The following PIK3C2A variants were observed in gnomAD, a reference collection of about 807,000 sequenced individuals.
The protein encoded by PIK3C2A is phosphatidylinositol-4-phosphate 3-kinase catalytic subunit type 2 alpha.
A neutral mutation model predicts 204.5 loss-of-function variants in PIK3C2A; 97 were observed. The observed-to-expected ratio is 0.47, with a 90% confidence interval of 0.40 to 0.56. PIK3C2A has a LOEUF of 0.56. PIK3C2A is among the 20% of genes least tolerant of loss of function. PIK3C2A has a pLI of 0.00. For missense variants in PIK3C2A, 1,735 were observed against 1,969.2 expected (o/e 0.88, Z 2.25); for synonymous variants, 653 against 664.4 (o/e 0.98, Z 0.26).
In PIK3C2A at chr11:17,130,611, C is replaced by T. The variant is rs193216641; in HGVS notation, c.2232-1144G>A. On this transcript the variant is annotated intron_variant, in intron 12 of 32. Coordinates refer to ENST00000691414, the MANE Select transcript of PIK3C2A (RefSeq NM_002645.4). ...CCTGAGGTCAGGAATTCAAGACTAG[C>T]CTGGCCAACATGGCAAAACCCCTTT... Among the ~76,000 whole-genome samples the T allele has an allele frequency of 6.6e-5, 10 of 151,652 alleles. No individual in the cohort carries two copies. In the East Asian group the frequency reaches 2.0e-3, roughly 30 times the overall value.
In PIK3C2A at chr11:17,192,359, T is replaced by A. The variant is rs566557391; in HGVS notation, c.-66+15489A>T. Among the ~76,000 whole-genome samples, 11 of 152,280 alleles carry A rather than the reference T, an allele frequency of 7.2e-5. No homozygotes were observed. In the East Asian group the frequency reaches 2.1e-3, roughly 29 times the overall value. ...ATAAGCTACATTACTATACTGTACA[T>A]CTCCATCTCATATTTTATACAACTC... is the stretch of plus-strand genomic sequence containing the variant. On this transcript the variant is annotated intron_variant, in intron 1 of 32. Coordinates refer to ENST00000691414, the MANE Select transcript of PIK3C2A (RefSeq NM_002645.4).
In PIK3C2A at chr11:17,173,797, GGTTT is replaced by G. The variant is rs771787500; in HGVS notation, c.-65-3995_-65-3992del. ...GAAACTTAATTTACTGAACACGTGG[GGTTT>G]GTTTGTTTGTTTGTTTGTTTAGACA... On this transcript the variant is annotated intron_variant, in intron 1 of 32. Coordinates refer to ENST00000691414, the MANE Select transcript of PIK3C2A (RefSeq NM_002645.4). 5.3e-4 allele frequency among the ~76,000 whole-genome samples: 81 copies of G among 152,106 alleles called. No individual in the cohort carries two copies. The East Asian group carries it at 8.3e-3, about 16-fold the overall frequency.
Position 17,189,611 on chromosome 11 carries a change from G to A in PIK3C2A, c.-66+18237C>T, listed in dbSNP as rs1038567756. Among the ~76,000 whole-genome samples the A allele has an allele frequency of 6.1e-5, 9 of 147,648 alleles. 2 individuals are homozygous for A. Among genetic ancestry groups the A allele is most frequent in the Middle Eastern group, 3.2e-3 (1 of 316 alleles). On this transcript the variant is annotated intron_variant, in intron 1 of 32. Coordinates refer to ENST00000691414, the MANE Select transcript of PIK3C2A (RefSeq NM_002645.4). ...GTATATTTTTAGTATATTCACAGGC[G>A]TGTGACCATCACTACTACCAAGTTT... is the stretch of plus-strand genomic sequence containing the variant.
Position 17,091,614 on chromosome 11 carries a change from G to A in PIK3C2A, c.4685C>T (p.Ala1562Val). 1 of 1,613,070 alleles carries A rather than the reference G, an allele frequency of 6.2e-7. No individual in the cohort carries two copies. The highest frequency in any genetic ancestry group is 8.5e-7 in the Non-Finnish European group (1 of 1,179,104). ...TCGGTAAGAGATGGATAATTTCACA[G>A]CTCCTCCTATTTGGCCTGGAGTAGG... ...FSPTPGQIGG[A>V]VKLSISYRNG... The change falls in exon 31 of 33, where the codon GCT becomes GTT. Residue 1562 changes from alanine (A) to valine (V), a missense_variant. Physicochemically the swap from Ala to Val is moderately conservative, Grantham distance 64 (BLOSUM62 0). Coordinates refer to ENST00000691414, the MANE Select transcript of PIK3C2A (RefSeq NM_002645.4).
rs537794045 is a variant in PIK3C2A at position 17,118,680 on chromosome 11, T to C, written c.3000A>G (p.Ala1000=). ...SSLVQFLLSR[A]LGNIQIAHNL... is the part of the protein sequence containing the mutation. ...TGTGTGCTATCTGGATATTTCCCAA[T>C]GCCCTGGACAAAAGGAATTGCACTA... The change falls in exon 18 of 33, where the codon GCA becomes GCG. Residue 1000 remains alanine (A), a synonymous_variant. Coordinates refer to ENST00000691414, the MANE Select transcript of PIK3C2A (RefSeq NM_002645.4). The C allele has an allele frequency of 2.6e-6, 4 of 1,554,882 alleles. No homozygotes were observed. The highest frequency in any genetic ancestry group is 2.3e-5 in the South Asian group (2 of 88,738).
At chr11:17,156,697 T>C (rs1036372834) in intron 2 of PIK3C2A, among the ~76,000 whole-genome samples, 1 of 152,246 alleles carries the variant, frequency 6.6e-6, no homozygotes, top group Non-Finnish European at 1.5e-5. Flanking sequence ...AATTCCTTTA[T>C]GAGTTTCCTT....
chr11:17,197,324 C>T (rs1201942895), intron 1 of PIK3C2A, among the ~76,000 whole-genome samples: 1 of 151,996 alleles, frequency 6.6e-6, no homozygotes, highest in Non-Finnish European at 1.5e-5. Context: ...CTGGCCCCCA[C>T]TCCATTCTTT....
Position 17,110,481 on chromosome 11 carries a change from T to C in PIK3C2A, c.3495A>G (p.Leu1165=). 1 of 1,611,196 alleles carries C rather than the reference T, an allele frequency of 6.2e-7. No homozygotes were observed. Residue 1165 remains leucine (L), a synonymous_variant, in exon 22 of 33, where the codon CTA becomes CTG. Coordinates refer to ENST00000691414, the MANE Select transcript of PIK3C2A (RefSeq NM_002645.4). The stretch of plus-strand genomic sequence containing the variant: ...ATTTGAAAATTACCATCCTCAGATC[T>C]AGTCCTTCTTTAAGCCAGATCTTAT... ...IMDKIWLKEG[L]DLRMVIFKCL...
rs572941400 is a variant in PIK3C2A at position 17,145,865 on chromosome 11, C to T, written c.1638G>A (p.Thr546=). 32 of 1,612,554 alleles carry T rather than the reference C, an allele frequency of 2.0e-5. No homozygotes were observed. Among genetic ancestry groups the T allele is most frequent in the Middle Eastern group, 1.7e-4 (1 of 6,052 alleles). The change falls in exon 7 of 33, where the codon ACG becomes ACA. Residue 546 remains threonine, a splice_region_variant and synonymous_variant. Transcript: ENST00000691414. The part of the protein sequence containing the change: ...QIEKPCKEAM[T]RHPVEELLDS... ...AATTAATGCTTTAGATGATATACCT[C>T]GTCATGGCTTCTTTGCAAGGTTTTT...
intron 25 of PIK3C2A, 120 bp from the exon 26 acceptor site, chr11:17,100,089 G>GC: frequency 1.6e-5 from 9 of 559,128 alleles, no homozygotes; most frequent in South Asian, 4.9e-5. Context: ...CAGTCTTGAG[G>GC]GGTTCATTAG....
chr11:17,168,789 T>G lies in PIK3C2A; in HGVS notation c.953A>C (p.His318Pro). Residue 318 changes from histidine (H) to proline (P), a missense_variant, in exon 2 of 33, where the codon CAT becomes CCT. His to Pro is a moderately conservative substitution (Grantham distance 77, BLOSUM62 -2). Transcript: ENST00000691414. ...LLEERSTANCHLERKVNGKSL... is the reference protein window; with the variant it reads ...LLEERSTANCPLERKVNGKSL... ...TTTTCCATTCACCTTTCTTTCAAGA[T>G]GACAATTTGCTGTCGATCTCTCTTC... The G allele has an allele frequency of 6.2e-7, 1 of 1,614,110 alleles. No homozygotes were observed. Among genetic ancestry groups the G allele is most frequent in the Non-Finnish European group, 8.5e-7 (1 of 1,180,002 alleles).
chr11:17,192,025 G>C (rs892840053), intron 1 of PIK3C2A, among the ~76,000 whole-genome samples: 4 of 151,608 alleles, frequency 2.6e-5, no homozygotes, highest in African/African-American at 7.3e-5. Flanking sequence ...CATGATTGTA[G>C]TCCCAGCTAG....
chr11:17,180,968 G>A (rs1851529104), intron 1 of PIK3C2A, among the ~76,000 whole-genome samples: 2 of 152,112 alleles, frequency 1.3e-5, no homozygotes, highest in African/African-American at 2.4e-5. Flanking sequence ...TATTATAAAG[G>A]ATACAACTCA....
intron 1 of PIK3C2A, among the ~76,000 whole-genome samples, chr11:17,173,582 A>C (rs1165117664): frequency 6.6e-6 from 1 of 152,220 alleles, no homozygotes; most frequent in Non-Finnish European, 1.5e-5. Flanking sequence ...TATGCAGGCC[A>C]GTAAGTCTCC....
intron 8 of PIK3C2A, among the ~76,000 whole-genome samples, chr11:17,137,473 G>A (rs910010589): frequency 1.4e-5 from 2 of 147,384 alleles, no homozygotes; most frequent in Admixed American, 1.4e-4. Context: ...GGAGTGCAGT[G>A]GTGGGATCTT....
At chr11:17,165,504 G>C (rs1183973599) in intron 2 of PIK3C2A, among the ~76,000 whole-genome samples, 1 of 152,126 alleles carries the variant, frequency 6.6e-6, no homozygotes, top group Non-Finnish European at 1.5e-5. Flanking sequence ...GGCAGACCTT[G>C]GTGGCTCACG....
At position 17,122,681 on chromosome 11, in the gene PIK3C2A, C is replaced by T; in HGVS notation, c.2511+21G>A. ...AGAAATTTAAATGTACACCTCTCTACATGTCAAGAAGTACCATTACCTGTA... is the reference window on the plus strand; with the variant it reads ...AGAAATTTAAATGTACACCTCTCTATATGTCAAGAAGTACCATTACCTGTA... On this transcript the variant is annotated intron_variant, in intron 14 of 32. Transcript: ENST00000691414. 2.9e-6 allele frequency: 3 copies of T among 1,021,620 alleles called. No individual in the cohort carries two copies. In the East Asian group the frequency reaches 7.1e-5, roughly 24 times the overall value. 63.3% of individuals were successfully genotyped at this position (1,021,620 alleles called of 1,614,324 possible). A position where few individuals can be genotyped will look rare whatever the true frequency, so the allele number is the denominator to read the frequency against.
At chr11:17,123,427 T>G (rs908728291) in intron 13 of PIK3C2A, among the ~76,000 whole-genome samples, 34 of 150,844 alleles carry the variant, frequency 2.3e-4, no homozygotes, top group African/African-American at 6.8e-4. Flanking sequence ...TCTTGTTTTT[T>G]TTTTTTTTTT....
chr11:17,174,380 G>C lies in PIK3C2A; in HGVS notation c.-65-4574C>G, dbSNP rs1457193355. 6.0e-5 allele frequency among the ~76,000 whole-genome samples: 5 copies of C among 82,708 alleles called. 1 individual carries two copies. The highest frequency in any genetic ancestry group is 9.3e-5 in the Non-Finnish European group (4 of 42,814). 54.3% of individuals were successfully genotyped at this position (82,708 alleles called of 152,430 possible). ...AGGCGGGCGGATCACGAGGTCAGGA[G>C]ATCGAGACCATCCTGGCTAAAACGG... is the stretch of plus-strand genomic sequence containing the variant. On this transcript the variant is annotated intron_variant, in intron 1 of 32. Coordinates refer to ENST00000691414, the MANE Select transcript of PIK3C2A (RefSeq NM_002645.4).
Sources: gnomAD v4.1 joint callset for allele counts (sites outside exome capture counted in the v4.1 genomes callset) on GRCh38, gnomAD v4.1.1 for gene constraint, MANE v1.5 for transcripts, NCBI Gene and HGNC (gene_info 2026-07-23, HGNC 2026-07-21) for gene names.